Variants in C6 observed in about 807,000 individuals in gnomAD.
The protein encoded by C6 is complement C6.
Under a neutral mutation model 112.9 loss-of-function variants are expected in C6, and 101 were observed. The observed-to-expected ratio is 0.89, with a 90% CI of 0.76 to 1.06. The LOEUF (loss-of-function observed/expected upper bound fraction) is 1.06, where lower values mean the gene tolerates loss of function less well. C6 is among the 50% of genes least tolerant of loss of function. The probability of loss-of-function intolerance (pLI) is 0.00; values close to 1 mark genes in which losing one functional copy is unlikely to be tolerated. For missense variants in C6, 1,202 were observed against 1,104.6 expected (o/e 1.09, Z -1.25); for synonymous variants, 431 against 384.1 (o/e 1.12, Z -1.43).
Position 41,161,840 on chromosome 5 carries a change from T to C in C6, c.1311A>G (p.Ala437=). The change falls in exon 10 of 18, where the codon GCA becomes GCG. Residue 437 remains alanine (A), a synonymous_variant. Transcript: ENST00000337836. ...EKHEGSFIQG[A]EKSISLIRGG... is the part of the protein sequence containing the mutation. ...CTCGAATCAGGGATATGGATTTCTC[T>C]GCTCCCTGTATAAATGAACCTGCAA... 6.2e-7 allele frequency: 1 copy of C among 1,613,622 alleles called. No homozygotes were observed. The highest frequency in any genetic ancestry group is 1.1e-5 in the South Asian group (1 of 91,082).
At chr5:41,161,661 G>A in intron 10 of C6, 32 bp downstream of exon 10, 1 of 1,589,580 alleles carries the variant, frequency 6.3e-7, no homozygotes, top group South Asian at 1.1e-5. Flanking sequence ...AACTACTTTA[G>A]ATCTCTTACC....
intron 9 of C6, among the ~76,000 whole-genome samples, chr5:41,165,629 C>G (rs1747914780): frequency 6.6e-6 from 1 of 151,992 alleles, no homozygotes; most frequent in African/African-American, 2.4e-5. Flanking sequence ...TATTATATGT[C>G]TTTACTACAT....
At position 41,222,810 on chromosome 5, in the gene C6, A is replaced by T. The variant is rs533755174; in HGVS notation, c.-20-19560T>A. Among the ~76,000 whole-genome samples the T allele has an allele frequency of 5.7e-4, 87 of 152,242 alleles. 1 individual carries two copies. The highest frequency in any genetic ancestry group is 2.1e-3 in the African/African-American group (86 of 41,550). ...TTTCCTTGTCCTTCGGGTTTATAGC[A>T]TTTTATTTCTTTTCTCTTGTATTGA... On this transcript the variant is annotated intron_variant, in intron 1 of 17. Coordinates refer to the C6 transcript ENST00000263413.
At chr5:41,260,219 C>T (rs1261848400) in intron 1 of C6, among the ~76,000 whole-genome samples, 1 of 151,882 alleles carries the variant, frequency 6.6e-6, no homozygotes, top group Non-Finnish European at 1.5e-5. Context: ...TTTAAATTTT[C>T]ATTTGCCTAG....
In C6 at chr5:41,142,952, T is replaced by A. The variant is rs1745483655; in HGVS notation, c.2678A>T (p.Asn893Ile). ...TCCCATTTTGACACAGTAGAGTTGG[T>A]TTCCACCCTTGAAGCACTGTGGGGG... The part of the protein sequence containing the change: ...LLPPQCFKGG[N>I]QLYCVKMGSS... Residue 893 changes from asparagine (N) to isoleucine (I), a missense_variant, in exon 18 of 18, where the codon AAC becomes ATC. Asn to Ile is a moderately radical substitution (Grantham distance 149). Coordinates refer to ENST00000337836, the MANE Select transcript of C6 (RefSeq NM_000065.5). 1 of 1,613,678 alleles carries A rather than the reference T, an allele frequency of 6.2e-7. No homozygotes were observed.
At chr5:41,220,944 A>T (rs1353069286) in intron 1 of C6, among the ~76,000 whole-genome samples, 1 of 152,120 alleles carries the variant, frequency 6.6e-6, no homozygotes, top group East Asian at 1.9e-4. Context: ...TTTTTAAAAA[A>T]AGAGCAAGCA....
intron 1 of C6, among the ~76,000 whole-genome samples, chr5:41,242,772 A>T (rs896014283): frequency 1.3e-5 from 2 of 152,168 alleles, no homozygotes; most frequent in African/African-American, 4.8e-5. Flanking sequence ...AGATGAATGG[A>T]TTAAAAAAAG....
chr5:41,229,039 C>T (rs990918998), intron 1 of C6, among the ~76,000 whole-genome samples: 13 of 152,018 alleles, frequency 8.6e-5, no homozygotes, highest in Admixed American at 3.3e-4. Flanking sequence ...CACTTGAACC[C>T]GGGAGACGGA....
intron 1 of C6, among the ~76,000 whole-genome samples, chr5:41,227,179 A>G (rs940538053): frequency 1.3e-5 from 2 of 151,930 alleles, no homozygotes; most frequent in African/African-American, 4.8e-5. Context: ...CCTCATGATG[A>G]TTTTAATTTG....
At chr5:41,153,343 A>G (rs982165987) in intron 15 of C6, among the ~76,000 whole-genome samples, 5 of 152,248 alleles carry the variant, frequency 3.3e-5, no homozygotes, top group Non-Finnish European at 7.3e-5. Flanking sequence ...GTGCACATGC[A>G]TGCATATGCC....
intron 1 of C6, among the ~76,000 whole-genome samples, chr5:41,241,548 G>A (rs1472747422): frequency 2.0e-5 from 3 of 152,168 alleles, no homozygotes; most frequent in Non-Finnish European, 4.4e-5. Context: ...TGGACCACAA[G>A]CAGCATGGTT....
intron 9 of C6, among the ~76,000 whole-genome samples, chr5:41,163,166 A>G (rs1291697862): frequency 1.3e-5 from 2 of 151,604 alleles, no homozygotes; most frequent in South Asian, 4.1e-4. Flanking sequence ...AACAAAAGAA[A>G]AAAAAAAACT....
At chr5:41,164,767 C>G (rs1375864733) in intron 9 of C6, among the ~76,000 whole-genome samples, 1 of 152,084 alleles carries the variant, frequency 6.6e-6, no homozygotes, top group Non-Finnish European at 1.5e-5. Flanking sequence ...GTCAATTCCT[C>G]TACATTAACT....
At chr5:41,247,356 A>G (rs1017879138) in intron 1 of C6, among the ~76,000 whole-genome samples, 1 of 152,224 alleles carries the variant, frequency 6.6e-6, no homozygotes, top group Non-Finnish European at 1.5e-5. Flanking sequence ...AAACTAATGT[A>G]CAAAAATAAA....
chr5:41,185,361 G>T (rs1406648854), intron 6 of C6, among the ~76,000 whole-genome samples: 2 of 152,148 alleles, frequency 1.3e-5, no homozygotes, highest in African/African-American at 4.8e-5. Flanking sequence ...GTGGTTCTCA[G>T]AAATAATTAC....
At chr5:41,204,239 G>A (rs1195535450) in intron 1 of C6, among the ~76,000 whole-genome samples, 1 of 152,128 alleles carries the variant, frequency 6.6e-6, no homozygotes, top group Non-Finnish European at 1.5e-5. Context: ...TATAAAATAA[G>A]AGTAATACCT....
intron 9 of C6, among the ~76,000 whole-genome samples, chr5:41,170,041 A>G (rs892328076): frequency 2.2e-4 from 33 of 152,146 alleles, no homozygotes; most frequent in Admixed American, 1.3e-3. Context: ...GAAGTTGCAT[A>G]TTTGAACAAT....
rs576214763 is a variant in C6, at chr5:41,256,206, G to C, written c.-21+4988C>G. Among the ~76,000 whole-genome samples the C allele has an allele frequency of 5.3e-5, 8 of 151,914 alleles. No individual in the cohort carries two copies. In the South Asian group the frequency reaches 1.5e-3, roughly 28 times the overall value. On this transcript the variant is annotated intron_variant, in intron 1 of 17. Coordinates refer to the C6 transcript ENST00000263413. Reference sequence around the variant, plus strand: ...TCTATCATTGTTGGACATTTGGGTTGGTTCCAAGTCTTTGCTATTGTGAAT... The same window carrying C: ...TCTATCATTGTTGGACATTTGGGTTCGTTCCAAGTCTTTGCTATTGTGAAT...
Position 41,203,176 on chromosome 5 carries a change from C to T in C6, c.55G>A (p.Gly19Ser). ...FILLNALINK[G>S]QACFCDHYAW... ...TAGTGATCACAGAAGCAGGCTTGGCCCTTGTTGATCAGAGCATTCAGCAGG... is the reference window on the plus strand; with the variant it reads ...TAGTGATCACAGAAGCAGGCTTGGCTCTTGTTGATCAGAGCATTCAGCAGG... Residue 19 changes from glycine (G) to serine (S), a missense_variant, in exon 2 of 18, where the codon GGC (glycine) becomes AGC (serine). Gly to Ser is a moderately conservative substitution (Grantham distance 56). Coordinates refer to ENST00000337836, the MANE Select transcript of C6 (RefSeq NM_000065.5). The T allele has an allele frequency of 6.2e-7, 1 of 1,614,058 alleles. No homozygotes were observed. The highest frequency in any genetic ancestry group is 8.5e-7 in the Non-Finnish European group (1 of 1,179,986).
Sources: gnomAD v4.1 joint callset for allele counts (sites outside exome capture counted in the v4.1 genomes callset) on GRCh38, gnomAD v4.1.1 for gene constraint, MANE v1.5 for transcripts, NCBI Gene and HGNC (gene_info 2026-07-23, HGNC 2026-07-21) for gene names.